The following KIF13B variants were observed in gnomAD, a reference collection of about 807,000 sequenced individuals.
KIF13B encodes the protein kinesin-like protein KIF13B.
KIF13B carries 127 observed loss-of-function variants against 222.0 expected under a neutral mutation model. That is an observed-to-expected ratio of 0.57 (90% CI 0.50 to 0.66). The LOEUF (loss-of-function observed/expected upper bound fraction) is 0.66. Among genes scored for constraint, KIF13B ranks in the 30% least tolerant of loss-of-function variants. KIF13B has a pLI of 0.00. For synonymous variants in KIF13B, 976 were observed against 919.0 expected, an observed-to-expected ratio of 1.06 and a Z score of -1.12; for missense variants, 2,173 against 2,379.0, an observed-to-expected ratio of 0.91 and a Z score of 1.80.
chr8:29,147,325 T>C (rs1811099801), intron 17 of KIF13B, 67 bp downstream of exon 17: 9 of 1,155,238 alleles, frequency 7.8e-6, no homozygotes, highest in Non-Finnish European at 1.1e-5. Flanking sequence ...ATTTGACACT[T>C]TCCCTAGGTG....
At chr8:29,081,290 A>T (rs926245525) in intron 37 of KIF13B, among the ~76,000 whole-genome samples, 3 of 152,040 alleles carry the variant, frequency 2.0e-5, no homozygotes, top group Non-Finnish European at 4.4e-5. Flanking sequence ...CATTTCCCCA[A>T]CAGGGCAGCA....
chr8:29,221,550 G>C (rs1488546414), intron 2 of KIF13B, among the ~76,000 whole-genome samples: 1 of 151,818 alleles, frequency 6.6e-6, no homozygotes, highest in African/African-American at 2.4e-5. Flanking sequence ...AGGTAAAAAG[G>C]ATTGCACATA....
At chr8:29,206,848 G>A (rs1026252758) in intron 2 of KIF13B, among the ~76,000 whole-genome samples, 4 of 151,238 alleles carry the variant, frequency 2.6e-5, no homozygotes, top group East Asian at 1.9e-4. Flanking sequence ...TGGGGTTTGC[G>A]GAAGTGGAAG....
chr8:29,132,054 C>T (rs1810367905), intron 23 of KIF13B, among the ~76,000 whole-genome samples: 1 of 152,116 alleles, frequency 6.6e-6, no homozygotes, highest in Non-Finnish European at 1.5e-5. Flanking sequence ...CAAGACCAGC[C>T]TGGCCAATAT....
In KIF13B at chr8:29,069,133, G is replaced by C. The variant is rs1807132597; in HGVS notation, c.*1371C>G. On this transcript the variant is annotated 3_prime_UTR_variant, in exon 40 of 40. Transcript: ENST00000524189. ...CTAGAAACCAGCTCCAAGGGTGGCT[G>C]TGTGAATCTTGACCCAGGACTCCTG... The C allele has an allele frequency of 6.6e-6, 1 of 152,290 alleles. No homozygotes were observed. The highest frequency in any genetic ancestry group is 1.5e-5 in the Non-Finnish European group (1 of 68,068). 9.4% of individuals were successfully genotyped at this position (152,290 alleles called of 1,614,324 possible).
chr8:29,167,732 C>A (rs1458685225), intron 10 of KIF13B, 147 bp from the exon 11 acceptor site: 12 of 645,716 alleles, frequency 1.9e-5, no homozygotes, highest in Non-Finnish European at 3.0e-5. Context: ...GGTGTATGGA[C>A]TCGAGTCCTG....
At chr8:29,201,843 G>C (rs1813706373) in intron 2 of KIF13B, among the ~76,000 whole-genome samples, 1 of 152,172 alleles carries the variant, frequency 6.6e-6, no homozygotes, top group African/African-American at 2.4e-5. Flanking sequence ...TGATGAGTAT[G>C]ATTTTTTTCT....
intron 9 of KIF13B, among the ~76,000 whole-genome samples, chr8:29,177,143 A>C (rs1323481958): frequency 6.6e-6 from 1 of 152,078 alleles, no homozygotes; most frequent in Non-Finnish European, 1.5e-5. Context: ...GGGTGGGGGA[A>C]GAGGCGGCAG....
chr8:29,237,052 G>A (rs1047993929), intron 2 of KIF13B, among the ~76,000 whole-genome samples: 5 of 152,012 alleles, frequency 3.3e-5, no homozygotes, highest in Non-Finnish European at 7.4e-5. Flanking sequence ...GTTGATGTTC[G>A]AATATTGAAT....
intron 8 of KIF13B, 44 bp from the exon 9 acceptor site, chr8:29,177,622 C>A (rs1812535630): frequency 7.6e-7 from 1 of 1,313,124 alleles, no homozygotes; most frequent in African/African-American, 1.4e-5. Context: ...GAACACAGGG[C>A]CAGGTGTGGT....
intron 36 of KIF13B, among the ~76,000 whole-genome samples, chr8:29,098,240 A>G (rs1025657606): frequency 1.3e-5 from 2 of 150,864 alleles, no homozygotes; most frequent in African/African-American, 2.4e-5. Context: ...AAACTAAGAA[A>G]CTCCTTGAAA....
intron 14 of KIF13B, among the ~76,000 whole-genome samples, chr8:29,155,234 C>T (rs192068402): frequency 2.0e-5 from 3 of 152,282 alleles, no homozygotes; most frequent in Admixed American, 6.5e-5. Context: ...CACAGGCAGA[C>T]ACTAAGAAGC....
intron 37 of KIF13B, among the ~76,000 whole-genome samples, chr8:29,079,025 G>A (rs1353977862): frequency 6.6e-6 from 1 of 152,140 alleles, no homozygotes; most frequent in African/African-American, 2.4e-5. Context: ...TTTAAAACTT[G>A]GAATAAAAGC....
intron 3 of KIF13B, among the ~76,000 whole-genome samples, chr8:29,193,981 C>CTTT (rs59285182): frequency 2.2e-5 from 3 of 134,052 alleles, no homozygotes; most frequent in African/African-American, 8.3e-5. Context: ...CCACGCCTGG[C>CTTT]TTTTTTTTTT....
intron 2 of KIF13B, among the ~76,000 whole-genome samples, chr8:29,217,743 C>G (rs1814558041): frequency 6.6e-6 from 1 of 152,164 alleles, no homozygotes; most frequent in South Asian, 2.1e-4. Flanking sequence ...TCCAGAATAA[C>G]AGCAGGTCCA....
chr8:29,229,463 T>C (rs1815189376), intron 2 of KIF13B, among the ~76,000 whole-genome samples: 1 of 152,216 alleles, frequency 6.6e-6, no homozygotes, highest in African/African-American at 2.4e-5. Flanking sequence ...TTGTAAGATG[T>C]CATGAGAACT....
intron 37 of KIF13B, among the ~76,000 whole-genome samples, chr8:29,088,197 C>G (rs1324408277): frequency 6.6e-6 from 1 of 151,210 alleles, no homozygotes; most frequent in Non-Finnish European, 1.5e-5. Flanking sequence ...ACCTGAGAAG[C>G]AGAGGTTGCA....
chr8:29,195,083 A>G (rs1813357877), intron 3 of KIF13B, among the ~76,000 whole-genome samples: 1 of 152,178 alleles, frequency 6.6e-6, no homozygotes, highest in African/African-American at 2.4e-5. Flanking sequence ...CCCCGTCTCT[A>G]CCAAAAATAC....
At chr8:29,171,797 G>A (rs1236536544) in intron 10 of KIF13B, among the ~76,000 whole-genome samples, 5 of 131,488 alleles carry the variant, frequency 3.8e-5, no homozygotes, top group African/African-American at 8.9e-5. Context: ...TCACTCTGTC[G>A]CCCAGGCTGG....
Sources: allele counts gnomAD v4.1 joint callset (sites outside exome capture counted in the v4.1 genomes callset), GRCh38; gene constraint gnomAD v4.1.1; transcripts MANE v1.5; gene names NCBI Gene and HGNC (gene_info 2026-07-23, HGNC 2026-07-21).